Variants in TANC2 observed in about 807,000 individuals in gnomAD.
TANC2 encodes the protein protein TANC2.
Under a neutral mutation model 210.5 loss-of-function variants are expected in TANC2, and 26 were observed. The observed-to-expected ratio is 0.12, with a 90% CI of 0.09 to 0.17. The LOEUF (loss-of-function observed/expected upper bound fraction) is 0.17. Ranked by LOEUF, TANC2 falls within the 10% of genes least tolerant of loss-of-function variation. The probability of loss-of-function intolerance (pLI) is 1.00; values close to 1 mark genes in which losing one functional copy is unlikely to be tolerated. For missense variants in TANC2, 2,129 were observed against 2,608.9 expected (o/e 0.82, Z 4.01); for synonymous variants, 931 against 967.1 (o/e 0.96, Z 0.69).
At chr17:63,018,766 A>AT (rs1412710607) in intron 2 of TANC2, among the ~76,000 whole-genome samples, 1 of 152,164 alleles carries the variant, frequency 6.6e-6, no homozygotes, top group East Asian at 1.9e-4. Context: ...CATTTGAAAA[A>AT]TTTTATCACT....
intron 1 of TANC2, among the ~76,000 whole-genome samples, chr17:62,971,896 C>G (rs1353729735): frequency 6.6e-6 from 1 of 152,204 alleles, no homozygotes; most frequent in Admixed American, 6.5e-5. Context: ...CCCAAACCAT[C>G]TCTGCCCCCC....
intron 7 of TANC2, among the ~76,000 whole-genome samples, chr17:63,218,328 A>G (rs2042077990): frequency 6.6e-6 from 1 of 152,198 alleles, no homozygotes; most frequent in Non-Finnish European, 1.5e-5. Context: ...AAATTTTTAA[A>G]TTTGATAAAG....
At chr17:63,399,700 G>C (rs2048283820) in intron 19 of TANC2, among the ~76,000 whole-genome samples, 1 of 152,200 alleles carries the variant, frequency 6.6e-6, no homozygotes, top group Non-Finnish European at 1.5e-5. Context: ...CCAATCTAGG[G>C]AGAATATTTT....
At chr17:63,279,460 T>C (rs530605949) in intron 9 of TANC2, among the ~76,000 whole-genome samples, 8 of 152,008 alleles carry the variant, frequency 5.3e-5, no homozygotes, top group African/African-American at 1.9e-4. Context: ...TAACCTACCC[T>C]GATATAATAC....
chr17:63,082,044 G>T (rs867630528), intron 3 of TANC2, among the ~76,000 whole-genome samples: 1 of 151,978 alleles, frequency 6.6e-6, no homozygotes, highest in Non-Finnish European at 1.5e-5. Flanking sequence ...GGTGGCGGGC[G>T]CCTGTAGTCC....
chr17:63,114,249 A>C (rs2038165186), intron 4 of TANC2, among the ~76,000 whole-genome samples: 1 of 152,204 alleles, frequency 6.6e-6, no homozygotes, highest in African/African-American at 2.4e-5. Context: ...TAAAATAAAA[A>C]CTGAGTATAA....
intron 5 of TANC2, among the ~76,000 whole-genome samples, chr17:63,188,078 G>T (rs1303008041): frequency 6.6e-6 from 1 of 152,084 alleles, no homozygotes; most frequent in Non-Finnish European, 1.5e-5. Context: ...AAAGAAAAAT[G>T]ATACCACATG....
intron 3 of TANC2, among the ~76,000 whole-genome samples, chr17:63,080,933 C>T (rs1209182588): frequency 6.6e-6 from 1 of 152,050 alleles, no homozygotes; most frequent in Non-Finnish European, 1.5e-5. Context: ...TATTATTTTC[C>T]TACAGGAAAT....
chr17:63,239,309 T>C (rs1053026949), intron 8 of TANC2, among the ~76,000 whole-genome samples: 1 of 152,214 alleles, frequency 6.6e-6, no homozygotes, highest in African/African-American at 2.4e-5. Context: ...TTTTGAAGAA[T>C]AGTTGAATGT....
chr17:63,293,819 A>G (rs1310587953), intron 9 of TANC2, among the ~76,000 whole-genome samples: 1 of 148,806 alleles, frequency 6.7e-6, no homozygotes, highest in Non-Finnish European at 1.5e-5. Context: ...AGCTCACTGC[A>G]GCCTCAACCT....
exon 26 of TANC2, chr17:63,415,543 G>A: frequency 6.2e-7 from 1 of 1,613,718 alleles, no homozygotes; most frequent in Admixed American, 1.7e-5. Context: ...TAAAGTAAAG[G>A]AAGCTGCCCA....
intron 17 of TANC2, chr17:63,391,068 TACACTCTTA>T (rs1446549414): frequency 6.6e-6 from 1 of 152,220 alleles, no homozygotes; most frequent in Non-Finnish European, 1.5e-5. Flanking sequence ...TCTCCTCCTC[TACACTCTTA>T]ACCCACGGTG....
chr17:63,116,370 T>G (rs2145085533), intron 4 of TANC2, among the ~76,000 whole-genome samples: 1 of 152,354 alleles, frequency 6.6e-6, no homozygotes, highest in South Asian at 2.1e-4. Flanking sequence ...TGATACCGTT[T>G]GGAAGCTATC....
At chr17:63,010,545 A>T (rs529807169) in intron 2 of TANC2, among the ~76,000 whole-genome samples, 1 of 151,330 alleles carries the variant, frequency 6.6e-6, no homozygotes, top group Non-Finnish European at 1.5e-5. Flanking sequence ...TTCAATTCTG[A>T]CGCTGTCTAC....
intron 10 of TANC2, among the ~76,000 whole-genome samples, chr17:63,316,146 A>G (rs1168477118): frequency 1.3e-5 from 2 of 152,220 alleles, no homozygotes; most frequent in Non-Finnish European, 2.9e-5. Context: ...TAAAATTTTG[A>G]TTCTGAGAAC....
chr17:63,125,806 T>C (rs979111151), intron 4 of TANC2, among the ~76,000 whole-genome samples: 12 of 152,230 alleles, frequency 7.9e-5, no homozygotes, highest in African/African-American at 2.9e-4. Flanking sequence ...GTGGTAAAAT[T>C]ATACATTCAG....
intron 5 of TANC2, among the ~76,000 whole-genome samples, chr17:63,177,962 A>G (rs1024915015): frequency 4.6e-5 from 7 of 152,178 alleles, no homozygotes; most frequent in African/African-American, 1.4e-4. Context: ...TCTATTTTGC[A>G]ACTCTTGTTT....
intron 5 of TANC2, among the ~76,000 whole-genome samples, chr17:63,172,622 C>CCTG (rs2040443009): frequency 6.6e-6 from 1 of 152,118 alleles, no homozygotes; most frequent in African/African-American, 2.4e-5. Context: ...CTCCTTTATG[C>CCTG]CTGCTACTGT....
chr17:63,111,356 T>C (rs1285783583), intron 4 of TANC2, among the ~76,000 whole-genome samples: 3 of 152,176 alleles, frequency 2.0e-5, no homozygotes, highest in Admixed American at 2.0e-4. Flanking sequence ...GTAAAGAGTT[T>C]AGCTCGTAGA....
Sources: allele counts gnomAD v4.1 joint callset (sites outside exome capture counted in the v4.1 genomes callset), GRCh38; gene constraint gnomAD v4.1.1; transcripts MANE v1.5; gene names NCBI Gene and HGNC (gene_info 2026-07-23, HGNC 2026-07-21).